Variants in DGKI observed in about 807,000 individuals in gnomAD.
DGKI encodes the protein DAG kinase iota.
DGKI carries 55 observed loss-of-function variants against 147.5 expected under a neutral mutation model. The observed-to-expected ratio is 0.37, with a 90% CI of 0.30 to 0.47. The LOEUF is 0.47. Ranked by LOEUF, DGKI falls within the 20% of genes least tolerant of loss-of-function variation. The pLI is 1.00. For synonymous variants in DGKI, 469 were observed against 477.1 expected (o/e 0.98, Z 0.22); for missense variants, 1,007 against 1,323.8 (o/e 0.76, Z 3.71).
intron 29 of DGKI, among the ~76,000 whole-genome samples, chr7:137,411,279 C>A (rs377430588): frequency 6.6e-6 from 1 of 151,880 alleles, no homozygotes; most frequent in Non-Finnish European, 1.5e-5. Context: ...CAGCCTGATG[C>A]CTGAAAACCA....
chr7:137,834,999 T>C (rs1243140642), intron 1 of DGKI, among the ~76,000 whole-genome samples: 1 of 152,216 alleles, frequency 6.6e-6, no homozygotes, highest in Non-Finnish European at 1.5e-5. Flanking sequence ...CTGAGCTCCA[T>C]GAATTATGCT....
chr7:137,622,038 T>A lies in DGKI; in HGVS notation c.876+1445A>T, dbSNP rs977648050. ...GGCCTTATATTTGTGCACACATTCT[T>A]GAACAGAAGTGAAATGATTATTTGT... On this transcript the variant is annotated intron_variant, in intron 7 of 32. Coordinates refer to ENST00000614521, the MANE Select transcript of DGKI (RefSeq NM_001321708.2). Among the ~76,000 whole-genome samples, 7 of 152,290 alleles carry A rather than the reference T, an allele frequency of 4.6e-5. No individual in the cohort carries two copies. The East Asian group carries it at 1.3e-3, about 29-fold the overall frequency.
intron 29 of DGKI, among the ~76,000 whole-genome samples, chr7:137,411,814 G>A (rs940830843): frequency 6.6e-6 from 1 of 152,156 alleles, no homozygotes; most frequent in South Asian, 2.1e-4. Flanking sequence ...TTAATCTCTG[G>A]CCTGAAGGAT....
In DGKI at chr7:137,571,077, T is replaced by G. The variant is rs1818777739; in HGVS notation, c.1947+98A>C. ...TCTATAATTCATAAAATGTGTAACTTGATAAAGCAGGAGAAAAAGTTAACT... is the reference window on the plus strand; with the variant it reads ...TCTATAATTCATAAAATGTGTAACTGGATAAAGCAGGAGAAAAAGTTAACT... On this transcript the variant is annotated intron_variant, in intron 19 of 32. Transcript: ENST00000614521. 3.6e-6 allele frequency: 3 copies of G among 832,394 alleles called. No homozygotes were observed. In the South Asian group the frequency reaches 6.5e-5, roughly 18 times the overall value. The allele number at this position is 832,394 out of a possible 1,614,324, so 51.6% of individuals were successfully genotyped here. A position where few individuals can be genotyped will look rare whatever the true frequency, so the allele number is the denominator to read the frequency against.
intron 1 of DGKI, among the ~76,000 whole-genome samples, chr7:137,703,084 A>G (rs1337322944): frequency 1.3e-5 from 2 of 151,368 alleles, no homozygotes; most frequent in Admixed American, 6.6e-5. Context: ...GTAATTTATG[A>G]AAAAAAAGAG....
At chr7:137,659,710 A>G (rs949946917) in intron 3 of DGKI, among the ~76,000 whole-genome samples, 1 of 152,194 alleles carries the variant, frequency 6.6e-6, no homozygotes, top group Non-Finnish European at 1.5e-5. Context: ...AGGCGGGCGG[A>G]TCACAAGGTC....
At chr7:137,638,897 T>C (rs1405712510) in intron 6 of DGKI, among the ~76,000 whole-genome samples, 2 of 151,960 alleles carry the variant, frequency 1.3e-5, no homozygotes, top group Admixed American at 6.6e-5. Flanking sequence ...CTAAATTTTT[T>C]ATTATTTGTA....
At chr7:137,727,453 A>G (rs760070756) in intron 1 of DGKI, among the ~76,000 whole-genome samples, 24 of 152,188 alleles carry the variant, frequency 1.6e-4, no homozygotes, top group Non-Finnish European at 3.1e-4. Flanking sequence ...CTCCTTGCCC[A>G]TAATTTTATC....
intron 1 of DGKI, among the ~76,000 whole-genome samples, chr7:137,700,283 A>G (rs1262395696): frequency 6.6e-6 from 1 of 152,226 alleles, no homozygotes; most frequent in African/African-American, 2.4e-5. Flanking sequence ...TGGGGAACAC[A>G]GCATTACCTG....
chr7:137,434,763 T>G (rs576582815), intron 28 of DGKI, among the ~76,000 whole-genome samples: 1 of 152,142 alleles, frequency 6.6e-6, no homozygotes, highest in Admixed American at 6.5e-5. Context: ...TGACAGATAA[T>G]AGTAGGGTCA....
At chr7:137,601,184 G>C (rs1248212972) in intron 10 of DGKI, among the ~76,000 whole-genome samples, 1 of 151,922 alleles carries the variant, frequency 6.6e-6, no homozygotes, top group Non-Finnish European at 1.5e-5. Flanking sequence ...GGCAGGAGAA[G>C]GGCATGAACC....
At chr7:137,692,752 T>A (rs1406939620) in intron 1 of DGKI, among the ~76,000 whole-genome samples, 1 of 152,230 alleles carries the variant, frequency 6.6e-6, no homozygotes, top group Non-Finnish European at 1.5e-5. Context: ...CACACTCTTT[T>A]CTAGCCTGGG....
chr7:137,716,427 C>T (rs1485912588), intron 1 of DGKI, among the ~76,000 whole-genome samples: 3 of 152,314 alleles, frequency 2.0e-5, no homozygotes, highest in South Asian at 4.1e-4. Context: ...GCTGTAACAA[C>T]CTGCCACTCA....
intron 28 of DGKI, among the ~76,000 whole-genome samples, chr7:137,423,268 G>A (rs28379333): frequency 5.3e-4 from 81 of 152,310 alleles, no homozygotes; most frequent in African/African-American, 1.9e-3. Flanking sequence ...CTGTTACAGA[G>A]AAGCACAGAG....
intron 1 of DGKI, among the ~76,000 whole-genome samples, chr7:137,745,010 G>A (rs191945383): frequency 6.6e-6 from 1 of 152,218 alleles, no homozygotes; most frequent in Admixed American, 6.5e-5. Flanking sequence ...TCACTACTTG[G>A]ATGACAGGAT....
intron 10 of DGKI, among the ~76,000 whole-genome samples, chr7:137,608,726 G>C (rs1462198077): frequency 6.6e-6 from 1 of 152,148 alleles, no homozygotes; most frequent in African/African-American, 2.4e-5. Context: ...CAGTAGTTAG[G>C]TTTCTTAAGT....
At chr7:137,400,268 T>G (rs1811703672) in intron 30 of DGKI, among the ~76,000 whole-genome samples, 1 of 152,264 alleles carries the variant, frequency 6.6e-6, no homozygotes, top group Admixed American at 6.5e-5. Context: ...GTGAACATTC[T>G]AAGCCACTCC....
At chr7:137,417,875 CT>C (rs1472518416) in intron 28 of DGKI, among the ~76,000 whole-genome samples, 1 of 152,174 alleles carries the variant, frequency 6.6e-6, no homozygotes, top group East Asian at 1.9e-4. Context: ...AGCTTTCCAT[CT>C]TTGAAGCAGA....
chr7:137,664,377 C>CAAAAAA (rs1190186766), intron 3 of DGKI, among the ~76,000 whole-genome samples: 23 of 55,786 alleles, frequency 4.1e-4, no homozygotes, highest in Admixed American at 5.0e-4. Context: ...GACTCCATCT[C>CAAAAAA]AAAAAAAAAA....
Sources: allele counts gnomAD v4.1 joint callset (sites outside exome capture counted in the v4.1 genomes callset), GRCh38; gene constraint gnomAD v4.1.1; transcripts MANE v1.5; gene names NCBI Gene and HGNC (gene_info 2026-07-23, HGNC 2026-07-21).